The following LRRC4C variants were observed in gnomAD, a reference collection of about 807,000 sequenced individuals.
LRRC4C encodes leucine rich repeat containing 4C, also known as leucine-rich repeat-containing protein 4C.
A neutral mutation model predicts 33.6 loss-of-function variants in LRRC4C; 5 were observed. The observed-to-expected ratio is 0.15, with a 90% CI of 0.08 to 0.31. The LOEUF is 0.31. Among genes scored for constraint, LRRC4C ranks in the 10% least tolerant of loss-of-function variants. The probability of loss-of-function intolerance (pLI) is 1.00; values close to 1 mark genes in which losing one functional copy is unlikely to be tolerated. For missense variants in LRRC4C, 560 were observed against 796.7 expected, an observed-to-expected ratio of 0.70 and a Z score of 3.58; for synonymous variants, 329 against 302.0, an observed-to-expected ratio of 1.09 and a Z score of -0.93.
intron 1 of LRRC4C, among the ~76,000 whole-genome samples, chr11:41,328,692 C>T (rs542399216): frequency 2.6e-4 from 40 of 152,310 alleles, no homozygotes; most frequent in Non-Finnish European, 4.6e-4. Context: ...CAGCAAGCCT[C>T]CTATTTGAGG....
intron 2 of LRRC4C, among the ~76,000 whole-genome samples, chr11:40,775,620 T>C (rs796350829): frequency 2.6e-5 from 4 of 152,318 alleles, no homozygotes; most frequent in African/African-American, 9.6e-5. Flanking sequence ...TTTTGGAGCA[T>C]TGATTTTGTA....
intron 5 of LRRC4C, among the ~76,000 whole-genome samples, chr11:40,210,336 G>A (rs1562984): frequency 0.53 from 81,190 of 152,044 alleles, 21,902 homozygotes; most frequent in East Asian, 0.61. Context: ...TTCTGGGCTT[G>A]TCTCAAATCT....
intron 1 of LRRC4C, among the ~76,000 whole-genome samples, chr11:41,330,919 T>TA (rs1951274837): frequency 6.6e-6 from 1 of 152,182 alleles, no homozygotes; most frequent in Non-Finnish European, 1.5e-5. Context: ...ATATGTGTCT[T>TA]ATATGTCTTA....
chr11:41,145,882 C>A (rs145433032), intron 1 of LRRC4C, among the ~76,000 whole-genome samples: 1 of 151,604 alleles, frequency 6.6e-6, no homozygotes, highest in Non-Finnish European at 1.5e-5. Flanking sequence ...TTTCTTATCT[C>A]TTTTTTGCTG....
rs139252759 is a variant in LRRC4C, at chr11:40,114,421, C to T, written c.1872G>A (p.Pro624=). 1.7e-4 allele frequency: 271 copies of T among 1,613,812 alleles called. No homozygotes were observed. In the East Asian group the frequency reaches 1.9e-3, roughly 11 times the overall value. Residue 624 remains proline (P), a synonymous_variant, in exon 7 of 7, where the codon CCG becomes CCA. Coordinates refer to ENST00000528697, the MANE Select transcript of LRRC4C (RefSeq NM_001258419.2). ...INSIHSSVHE[P]LLIRMNSKDN... is the part of the protein sequence containing the mutation. Reference sequence around the variant, plus strand: ...CTTTAGAGTTCATTCGGATCAATAACGGTTCATGCACTGAACTGTGTATTG... The same window carrying T: ...CTTTAGAGTTCATTCGGATCAATAATGGTTCATGCACTGAACTGTGTATTG...
At chr11:40,234,380 C>T (rs186592046) in intron 5 of LRRC4C, among the ~76,000 whole-genome samples, 407 of 152,116 alleles carry the variant, frequency 2.7e-3, no homozygotes, top group Middle Eastern at 6.8e-3. Flanking sequence ...AACCCCGAGC[C>T]CCAGATCCAC....
chr11:40,708,864 A>G (rs541729649), intron 2 of LRRC4C, among the ~76,000 whole-genome samples: 57 of 152,290 alleles, frequency 3.7e-4, no homozygotes, highest in African/African-American at 1.3e-3. Flanking sequence ...TAGCTCTCTC[A>G]GGACTTGCTT....
intron 1 of LRRC4C, among the ~76,000 whole-genome samples, chr11:41,082,291 G>C (rs7122467): frequency 0.27 from 40,951 of 152,060 alleles, 5,663 homozygotes; most frequent in Admixed American, 0.35. Flanking sequence ...TGCTGGACTT[G>C]TAAATACGCA....
intron 1 of LRRC4C, among the ~76,000 whole-genome samples, chr11:41,363,792 A>T (rs1482751307): frequency 6.6e-6 from 1 of 152,122 alleles, no homozygotes; most frequent in Non-Finnish European, 1.5e-5. Context: ...CAACAGCAAA[A>T]CTATTTTACT....
intron 3 of LRRC4C, among the ~76,000 whole-genome samples, chr11:40,615,520 G>A (rs1241033400): frequency 1.3e-5 from 2 of 151,372 alleles, no homozygotes; most frequent in African/African-American, 4.8e-5. Context: ...AATATTTACT[G>A]GATGACCCTA....
intron 2 of LRRC4C, among the ~76,000 whole-genome samples, chr11:40,925,550 T>C (rs1008147314): frequency 2.6e-5 from 4 of 152,148 alleles, no homozygotes; most frequent in African/African-American, 9.7e-5. Context: ...GCTTCTCAGA[T>C]ATTGAAGTTG....
intron 1 of LRRC4C, among the ~76,000 whole-genome samples, chr11:41,433,801 A>G (rs1217591094): frequency 6.7e-6 from 1 of 149,370 alleles, no homozygotes; most frequent in Non-Finnish European, 1.5e-5. Flanking sequence ...TCCCATATAT[A>G]TGTGTGTGTG....
chr11:41,169,447 T>G (rs988160013), intron 1 of LRRC4C, among the ~76,000 whole-genome samples: 3 of 152,154 alleles, frequency 2.0e-5, no homozygotes, highest in Non-Finnish European at 4.4e-5. Context: ...TTCTAGATTT[T>G]ATCACATCCA....
chr11:41,343,701 A>G (rs151009482), intron 1 of LRRC4C, among the ~76,000 whole-genome samples: 1 of 152,344 alleles, frequency 6.6e-6, no homozygotes, highest in Non-Finnish European at 1.5e-5. Context: ...TATTCCACTT[A>G]CTAATGCACA....
chr11:40,984,879 T>C (rs1362906253), intron 1 of LRRC4C, among the ~76,000 whole-genome samples: 1 of 140,200 alleles, frequency 7.1e-6, no homozygotes. Context: ...ACGACAACTC[T>C]GTTCTCACTG....
Position 40,489,722 on chromosome 11 carries a change from C to G in LRRC4C, c.-270+158420G>C, listed in dbSNP as rs540863018. ...GTGCTTTTTCTACCTTTCCTTTTTTCACTTCCAGCTATGAGAGTCTAATAG... is the reference window on the plus strand; with the variant it reads ...GTGCTTTTTCTACCTTTCCTTTTTTGACTTCCAGCTATGAGAGTCTAATAG... On this transcript the variant is annotated intron_variant, in intron 3 of 6. Coordinates refer to ENST00000528697, the MANE Select transcript of LRRC4C (RefSeq NM_001258419.2). Among the ~76,000 whole-genome samples the G allele has an allele frequency of 3.2e-4, 49 of 152,116 alleles. 1 individual carries two copies. Among genetic ancestry groups the G allele is most frequent in the African/African-American group, 1.1e-3 (47 of 41,530 alleles).
rs547055511 is a variant in LRRC4C at position 40,903,044 on chromosome 11, G to A, written c.-407+30591C>T. Among the ~76,000 whole-genome samples, 5 of 152,256 alleles carry A rather than the reference G, an allele frequency of 3.3e-5. No individual in the cohort carries two copies. The South Asian group carries it at 1.0e-3, about 32-fold the overall frequency. On this transcript the variant is annotated intron_variant, in intron 2 of 6. Transcript: ENST00000528697. ...TTATGTTGGAAGAAGATGCCATCTA[G>A]GACTTTCACAGCTAGAGAGAAGTCA...
intron 2 of LRRC4C, among the ~76,000 whole-genome samples, chr11:40,787,493 A>G (rs1950459089): frequency 6.6e-6 from 1 of 152,208 alleles, no homozygotes; most frequent in South Asian, 2.1e-4. Context: ...GCAGTTTTCA[A>G]CGTGATCCCA....
At chr11:40,933,473 T>C (rs1957726956) in intron 2 of LRRC4C, among the ~76,000 whole-genome samples, 162 bp downstream of exon 2, 2 of 152,260 alleles carry the variant, frequency 1.3e-5, no homozygotes, top group Non-Finnish European at 2.9e-5. Context: ...GCTATTATTG[T>C]TGCACTCACT....
Sources: allele counts gnomAD v4.1 joint callset (sites outside exome capture counted in the v4.1 genomes callset), GRCh38; gene constraint gnomAD v4.1.1; transcripts MANE v1.5; gene names NCBI Gene and HGNC (gene_info 2026-07-23, HGNC 2026-07-21).